The following NLGN1 variants were observed in gnomAD, a reference collection of about 807,000 sequenced individuals.
NLGN1 encodes the protein neuroligin 1, also known as neuroligin-1.
A neutral mutation model predicts 65.5 loss-of-function variants in NLGN1; 12 were observed. The ratio of observed to expected loss-of-function variants is 0.18; its 90% confidence interval spans 0.12 to 0.30. The LOEUF is 0.30. Ranked by LOEUF, NLGN1 falls within the 10% of genes least tolerant of loss-of-function variation. The probability of loss-of-function intolerance (pLI) is 1.00; values close to 1 mark genes in which losing one functional copy is unlikely to be tolerated. For synonymous variants in NLGN1, 350 were observed against 359.5 expected, an observed-to-expected ratio of 0.97 and a Z score of 0.30; for missense variants, 750 against 1,007.1, an observed-to-expected ratio of 0.74 and a Z score of 3.46.
intron 4 of NLGN1, among the ~76,000 whole-genome samples, chr3:174,152,611 G>A (rs752499558): frequency 5.3e-5 from 8 of 151,768 alleles, no homozygotes; most frequent in Admixed American, 3.9e-4. Flanking sequence ...AAACCTGCAC[G>A]CTGTGCACAT....
chr3:173,597,532 A>T (rs1749682467), intron 2 of NLGN1, among the ~76,000 whole-genome samples: 1 of 152,162 alleles, frequency 6.6e-6, no homozygotes, highest in Admixed American at 6.6e-5. Context: ...ACACCAATTC[A>T]TTCACAAAAG....
intron 3 of NLGN1, among the ~76,000 whole-genome samples, chr3:173,652,743 C>T (rs935870093): frequency 9.9e-5 from 15 of 151,972 alleles, no homozygotes; most frequent in African/African-American, 3.4e-4. Context: ...TTTTTGGTTC[C>T]GTATACATTT....
chr3:174,101,849 G>C (rs144748853), intron 4 of NLGN1, among the ~76,000 whole-genome samples: 25 of 152,212 alleles, frequency 1.6e-4, no homozygotes, highest in Admixed American at 3.9e-4. Context: ...GCCACTCTCT[G>C]TGTGTCATAA....
At chr3:173,649,823 T>A (rs1336226016) in intron 3 of NLGN1, among the ~76,000 whole-genome samples, 1 of 152,090 alleles carries the variant, frequency 6.6e-6, no homozygotes, top group African/African-American at 2.4e-5. Flanking sequence ...TAAAGTACAC[T>A]TAAAGTGTTC....
chr3:173,743,642 T>G (rs1255332887), intron 3 of NLGN1, among the ~76,000 whole-genome samples: 1 of 152,146 alleles, frequency 6.6e-6, no homozygotes, highest in Admixed American at 6.6e-5. Context: ...TATGTCTAAG[T>G]GGAAAATGTT....
chr3:173,651,319 A>G (rs1759141789), intron 3 of NLGN1, among the ~76,000 whole-genome samples: 1 of 151,252 alleles, frequency 6.6e-6, no homozygotes, highest in African/African-American at 2.4e-5. Context: ...ATATGTATAT[A>G]TAATAAGTTG....
At chr3:174,005,365 A>G (rs1473013684) in intron 4 of NLGN1, among the ~76,000 whole-genome samples, 1 of 152,106 alleles carries the variant, frequency 6.6e-6, no homozygotes, top group Non-Finnish European at 1.5e-5. Context: ...CCTCGTGTGT[A>G]TTGCTTCCCA....
At chr3:173,439,445 A>G (rs1718746895) in intron 2 of NLGN1, among the ~76,000 whole-genome samples, 1 of 152,066 alleles carries the variant, frequency 6.6e-6, no homozygotes, top group Non-Finnish European at 1.5e-5. Flanking sequence ...CCCAAGGTGT[A>G]GAACACAAGG....
intron 4 of NLGN1, among the ~76,000 whole-genome samples, chr3:174,249,979 G>T (rs957766538): frequency 3.3e-5 from 5 of 152,140 alleles, no homozygotes; most frequent in African/African-American, 1.2e-4. Flanking sequence ...GGAAGAAAAA[G>T]TTAAGTGTTC....
At chr3:174,135,538 C>G (rs781218088) in intron 4 of NLGN1, among the ~76,000 whole-genome samples, 4 of 152,018 alleles carry the variant, frequency 2.6e-5, no homozygotes, top group Non-Finnish European at 4.4e-5. Context: ...TTTTTATTCA[C>G]TCTAGTTTTT....
At chr3:173,953,427 T>G (rs1748607361) in intron 4 of NLGN1, among the ~76,000 whole-genome samples, 1 of 152,224 alleles carries the variant, frequency 6.6e-6, no homozygotes, top group African/African-American at 2.4e-5. Flanking sequence ...TCTGTTCAAT[T>G]TTAGAGCTGC....
intron 2 of NLGN1, among the ~76,000 whole-genome samples, chr3:173,544,268 G>GTT (rs1480462672): frequency 2.2e-5 from 3 of 135,932 alleles, no homozygotes; most frequent in Non-Finnish European, 4.5e-5. Context: ...ACGTGTGTGT[G>GTT]TGTGTGTGTG....
At chr3:173,747,311 T>TACATTTTATATACTTATATACA (rs1775605900) in intron 3 of NLGN1, among the ~76,000 whole-genome samples, 4 of 140,794 alleles carry the variant, frequency 2.8e-5, no homozygotes, top group Non-Finnish European at 4.6e-5. Context: ...TATGTATATA[T>TACATTTTATATACTTATATACA]TTATATATAC....
At chr3:173,671,325 C>T (rs1032060543) in intron 3 of NLGN1, among the ~76,000 whole-genome samples, 2 of 152,110 alleles carry the variant, frequency 1.3e-5, no homozygotes, top group African/African-American at 4.8e-5. Flanking sequence ...AATGGCGAAA[C>T]CCCGCCTCTA....
At chr3:174,141,295 G>T (rs1283314272) in intron 4 of NLGN1, among the ~76,000 whole-genome samples, 1 of 152,132 alleles carries the variant, frequency 6.6e-6, no homozygotes, top group Non-Finnish European at 1.5e-5. Flanking sequence ...TTCCTATCCA[G>T]TAATAAAATA....
intron 4 of NLGN1, among the ~76,000 whole-genome samples, chr3:174,172,592 G>A (rs908525081): frequency 1.3e-5 from 2 of 152,186 alleles, no homozygotes; most frequent in Admixed American, 1.3e-4. Flanking sequence ...CCCAGTGTAT[G>A]TTCTTGGCAC....
At chr3:173,787,409 G>C (rs1412554615) in intron 3 of NLGN1, among the ~76,000 whole-genome samples, 3 of 151,954 alleles carry the variant, frequency 2.0e-5, no homozygotes, top group Non-Finnish European at 4.4e-5. Context: ...ACACTTTTTT[G>C]TAGAAACACT....
At position 173,747,795 on chromosome 3, in the gene NLGN1, C is replaced by CTTCTTTTTTTTTTTTTTTTT. The variant is rs1560289220; in HGVS notation, c.494-59883_494-59882insCTTTTTTTTTTTTTTTTTTT. On this transcript the variant is annotated intron_variant, in intron 3 of 6. Transcript: ENST00000457714. ...AAACAAAATTTTCTTTCTTCTTCTT[C>CTTCTTTTTTTTTTTTTTTTT]TTGTTCTTTTTTTTTTTTTTTTTTT... 8.9e-5 allele frequency among the ~76,000 whole-genome samples: 7 copies of CTTCTTTTTTTTTTTTTTTTT among 78,608 alleles called. 1 individual carries two copies. The highest frequency in any genetic ancestry group is 4.3e-4 in the African/African-American group (7 of 16,150). The allele number at this position is 78,608 out of a possible 152,430, so 51.6% of individuals were successfully genotyped here. A position where few individuals can be genotyped will look rare whatever the true frequency, so the allele number is the denominator to read the frequency against.
chr3:174,292,746 C>T, the NLGN1 span, among the ~76,000 whole-genome samples: 1 of 151,232 alleles, frequency 6.6e-6, no homozygotes, highest in Non-Finnish European at 1.5e-5. Context: ...TTATTGCTCC[C>T]AATGAATCAG....
Sources: gnomAD v4.1 joint callset for allele counts (sites outside exome capture counted in the v4.1 genomes callset) on GRCh38, gnomAD v4.1.1 for gene constraint, MANE v1.5 for transcripts, NCBI Gene and HGNC (gene_info 2026-07-23, HGNC 2026-07-21) for gene names.